The following PRKG1 variants were observed in gnomAD, a reference collection of about 807,000 sequenced individuals.
PRKG1 encodes the protein cGMP-dependent protein kinase 1.
A neutral mutation model predicts 88.1 loss-of-function variants in PRKG1; 35 were observed. The observed-to-expected ratio is 0.40, with a 90% CI of 0.30 to 0.53. PRKG1 has a LOEUF of 0.53. Ranked by LOEUF, PRKG1 falls within the 20% of genes least tolerant of loss-of-function variation. The pLI is 0.59. For synonymous variants in PRKG1, 303 were observed against 292.5 expected, an observed-to-expected ratio of 1.04 and a Z score of -0.37; for missense variants, 540 against 839.8, an observed-to-expected ratio of 0.64 and a Z score of 4.41.
At position 52,056,899 on chromosome 10, in the gene PRKG1, A is replaced by T. The variant is rs139199217; in HGVS notation, c.840+2338A>T. 4.7e-3 allele frequency among the ~76,000 whole-genome samples: 715 copies of T among 152,292 alleles called. 4 individuals carry two copies. The highest frequency in any genetic ancestry group is 5.2e-3 in the Non-Finnish European group (356 of 68,016). On this transcript the variant is annotated intron_variant, in intron 6 of 17. Transcript: ENST00000373980. ...TTAAGAAGCAGAAGGTGAGGTCAGC[A>T]TACTTAAGTCCCAATGGCAAAGAGC... is the stretch of plus-strand genomic sequence containing the variant.
At chr10:51,917,318 C>CAAAA (rs1288522303) in intron 5 of PRKG1, among the ~76,000 whole-genome samples, 12 of 69,506 alleles carry the variant, frequency 1.7e-4, no homozygotes, top group African/African-American at 3.9e-4. Context: ...GACTCCATCT[C>CAAAA]AAAAAAAAAA....
At chr10:51,847,081 A>G (rs1037951568) in intron 4 of PRKG1, among the ~76,000 whole-genome samples, 9 of 152,158 alleles carry the variant, frequency 5.9e-5, no homozygotes, top group African/African-American at 2.2e-4. Flanking sequence ...GCTCACTGTC[A>G]TTTAATGGCA....
chr10:52,072,764 A>G (rs1217634159), intron 7 of PRKG1, among the ~76,000 whole-genome samples: 4 of 151,930 alleles, frequency 2.6e-5, no homozygotes, highest in Admixed American at 2.6e-4. Context: ...GCTTCTCACC[A>G]CCCTCATGCC....
chr10:51,198,319 T>A (rs1160444574), intron 2 of PRKG1, among the ~76,000 whole-genome samples: 1 of 152,190 alleles, frequency 6.6e-6, no homozygotes, highest in African/African-American at 2.4e-5. Context: ...TAGGAGGAGC[T>A]GCACATATCT....
At chr10:51,609,107 A>G (rs1340635876) in intron 3 of PRKG1, among the ~76,000 whole-genome samples, 2 of 151,862 alleles carry the variant, frequency 1.3e-5, no homozygotes, top group Non-Finnish European at 2.9e-5. Context: ...TTATTATTAT[A>G]CTTTAAGTTT....
chr10:52,040,393 A>G (rs998645539), intron 5 of PRKG1, among the ~76,000 whole-genome samples: 3 of 152,208 alleles, frequency 2.0e-5, no homozygotes, highest in African/African-American at 7.2e-5. Flanking sequence ...GTTCTGCTGA[A>G]GCTAATTGCC....
chr10:51,053,973 T>C (rs16913257), intron 1 of PRKG1, among the ~76,000 whole-genome samples: 35,323 of 152,014 alleles, frequency 0.23, 4,236 homozygotes, highest in Admixed American at 0.27. Flanking sequence ...CTAAGTACAG[T>C]AAAAATGATG....
In PRKG1 at chr10:52,133,899, A is replaced by G; in HGVS notation, c.995A>G (p.Asp332Gly). 1 of 1,612,256 alleles carries G rather than the reference A, an allele frequency of 6.2e-7. No individual in the cohort carries two copies. The highest frequency in any genetic ancestry group is 8.5e-7 in the Non-Finnish European group (1 of 1,178,612). Residue 332 changes from aspartate to glycine, a missense_variant, in exon 8 of 18, where the codon GAC (aspartate) becomes GGC (glycine). Transcript: ENST00000373980. Reference protein sequence around the residue: ...AAEAVTCLVIDRDSFKHLIGG... With the variant: ...AAEAVTCLVIGRDSFKHLIGG... ...GAAGCTGTAACCTGCCTTGTGATTG[A>G]CAGAGAGTAAGTACATTGTTTTATT...
chr10:52,277,233 G>C (rs943806231), intron 12 of PRKG1, among the ~76,000 whole-genome samples: 88 of 151,956 alleles, frequency 5.8e-4, no homozygotes, highest in African/African-American at 2.1e-3. Flanking sequence ...AGAAGCATGG[G>C]GAAAGTGAAA....
At chr10:51,194,928 C>G (rs1222432045) in intron 2 of PRKG1, among the ~76,000 whole-genome samples, 1 of 152,180 alleles carries the variant, frequency 6.6e-6, no homozygotes, top group Non-Finnish European at 1.5e-5. Flanking sequence ...TATTAATCCA[C>G]TCATGAGGGC....
chr10:52,168,521 A>G (rs1564499488), intron 9 of PRKG1, among the ~76,000 whole-genome samples: 1 of 152,226 alleles, frequency 6.6e-6, no homozygotes, highest in African/African-American at 2.4e-5. Context: ...TGTAAGCCAC[A>G]TTAAGAAATC....
chr10:51,280,048 A>T (rs1036203036), intron 2 of PRKG1, among the ~76,000 whole-genome samples: 1 of 152,042 alleles, frequency 6.6e-6, no homozygotes, highest in African/African-American at 2.4e-5. Flanking sequence ...TTCCTTCAGG[A>T]GCTCTTGTAG....
intron 2 of PRKG1, among the ~76,000 whole-genome samples, chr10:51,347,115 A>G (rs2132556938): frequency 1.8e-5 from 2 of 109,832 alleles, no homozygotes; most frequent in African/African-American, 6.4e-5. Context: ...CTGTTCATGA[A>G]AAAAACTGGT....
chr10:51,628,957 C>T (rs1452832211), intron 3 of PRKG1, among the ~76,000 whole-genome samples: 1 of 107,926 alleles, frequency 9.3e-6, no homozygotes, highest in African/African-American at 3.5e-5. Flanking sequence ...CAGAGCGAGA[C>T]TCCGTCTCAA....
chr10:51,632,415 AT>A (rs919454807), intron 3 of PRKG1, among the ~76,000 whole-genome samples: 1 of 152,086 alleles, frequency 6.6e-6, no homozygotes, highest in African/African-American at 2.4e-5. Context: ...AATAGGCTGA[AT>A]TTTTTCCAAT....
At chr10:51,912,280 G>A (rs1842235309) in intron 5 of PRKG1, among the ~76,000 whole-genome samples, 2 of 152,204 alleles carry the variant, frequency 1.3e-5, no homozygotes, top group South Asian at 4.1e-4. Flanking sequence ...CCAAGTTGCA[G>A]AGGGTTCTGC....
At chr10:51,316,523 A>C (rs1841324597) in intron 2 of PRKG1, among the ~76,000 whole-genome samples, 1 of 152,038 alleles carries the variant, frequency 6.6e-6, no homozygotes, top group South Asian at 2.1e-4. Context: ...CTCTACTAAA[A>C]ATACAAAAAT....
At chr10:52,119,504 C>G (rs1485033739) in intron 7 of PRKG1, among the ~76,000 whole-genome samples, 3 of 152,100 alleles carry the variant, frequency 2.0e-5, no homozygotes, top group African/African-American at 7.2e-5. Flanking sequence ...TAACATTTTT[C>G]AAATTTGTAT....
At chr10:52,146,202 A>T (rs1837722990) in intron 8 of PRKG1, among the ~76,000 whole-genome samples, 1 of 152,154 alleles carries the variant, frequency 6.6e-6, no homozygotes, top group Non-Finnish European at 1.5e-5. Flanking sequence ...AATATAGTCT[A>T]TGTCATATGA....
Sources: allele counts gnomAD v4.1 joint callset (sites outside exome capture counted in the v4.1 genomes callset), GRCh38; gene constraint gnomAD v4.1.1; transcripts MANE v1.5; gene names NCBI Gene and HGNC (gene_info 2026-07-23, HGNC 2026-07-21).